Variants in FAR2 observed in about 807,000 individuals in gnomAD.
The protein encoded by FAR2 is epididymis secretory protein Li 81.
A neutral mutation model predicts 56.0 loss-of-function variants in FAR2; 19 were observed. That is an observed-to-expected ratio of 0.34 (90% CI 0.24 to 0.50). The LOEUF (loss-of-function observed/expected upper bound fraction) is 0.50, where lower values mean the gene tolerates loss of function less well. Ranked by LOEUF, FAR2 falls within the 20% of genes least tolerant of loss-of-function variation. The pLI, the probability that FAR2 is intolerant of heterozygous loss-of-function variation, is 0.98. For missense variants in FAR2, 508 were observed against 642.2 expected, an observed-to-expected ratio of 0.79 and a Z score of 2.26; for synonymous variants, 219 against 218.8, an observed-to-expected ratio of 1.00 and a Z score of -0.01.
intron 1 of FAR2, among the ~76,000 whole-genome samples, chr12:29,190,898 A>G (rs572233593): frequency 1.2e-3 from 184 of 152,322 alleles, no homozygotes; most frequent in African/African-American, 4.2e-3. Flanking sequence ...AGGCAACTGG[A>G]GATGATTCAA....
chr12:29,286,948 G>A (rs1330211407), intron 2 of FAR2, among the ~76,000 whole-genome samples: 1 of 152,050 alleles, frequency 6.6e-6, no homozygotes, highest in African/African-American at 2.4e-5. Context: ...CAGGTGGTTG[G>A]CATTTTAGAT....
intron 1 of FAR2, among the ~76,000 whole-genome samples, chr12:29,257,206 A>G (rs1948333469): frequency 1.3e-5 from 2 of 152,140 alleles, no homozygotes; most frequent in African/African-American, 2.4e-5. Context: ...AAACACACCA[A>G]TCAGCACCCT....
At chr12:29,245,170 C>T (rs1289585925) in intron 1 of FAR2, among the ~76,000 whole-genome samples, 5 of 152,050 alleles carry the variant, frequency 3.3e-5, no homozygotes, top group Admixed American at 6.6e-5. Context: ...TAGTAAGAGA[C>T]GGGGTTTCAC....
intron 1 of FAR2, among the ~76,000 whole-genome samples, chr12:29,168,788 G>A (rs1022329221): frequency 3.9e-5 from 6 of 152,338 alleles, no homozygotes; most frequent in Middle Eastern, 3.4e-3. Context: ...TTACTGTGAA[G>A]AGCAAAAGAA....
intron 1 of FAR2, among the ~76,000 whole-genome samples, chr12:29,150,714 C>T (rs1017377420): frequency 1.3e-5 from 2 of 152,146 alleles, no homozygotes; most frequent in Non-Finnish European, 2.9e-5. Flanking sequence ...CAGGCCGACG[C>T]GTGTGTCAAT....
chr12:29,171,257 G>T, intron 1 of FAR2: 1 of 152,920 alleles, frequency 6.5e-6, no homozygotes, highest in South Asian at 2.0e-4. Context: ...TCATCTGGTT[G>T]GGGGCTTCTG....
chr12:29,192,815 G>A (rs114583560), intron 1 of FAR2, among the ~76,000 whole-genome samples: 2,065 of 152,236 alleles, frequency 0.014, 41 homozygotes, highest in African/African-American at 0.048. Context: ...AACAGTTCAT[G>A]AAGCACAGGA....
intron 1 of FAR2, among the ~76,000 whole-genome samples, chr12:29,250,960 G>T (rs529839510): frequency 6.6e-6 from 1 of 152,154 alleles, no homozygotes; most frequent in Non-Finnish European, 1.5e-5. Flanking sequence ...GGTGGCAGGG[G>T]CCAAGTAGTG....
rs114585894 is a variant in FAR2, at chr12:29,313,987, T to G, written c.955+2037T>G. ...CTTTTCTAATACATGCATTTATGGC[T>G]TTATATTTCGCTCAAATGCCACTTT... is the stretch of plus-strand genomic sequence containing the variant. On this transcript the variant is annotated intron_variant, in intron 8 of 11. Coordinates refer to ENST00000536681, the MANE Select transcript of FAR2 (RefSeq NM_001271783.2). Among the ~76,000 whole-genome samples, 1,101 of 150,160 alleles carry G rather than the reference T, an allele frequency of 7.3e-3. 10 individuals carry two copies. The highest frequency in any genetic ancestry group is 0.026 in the African/African-American group (1,042 of 39,516).
rs950402594 is a variant in FAR2, at chr12:29,189,383, T to A, written c.-39+39976T>A. Among the ~76,000 whole-genome samples the A allele has an allele frequency of 2.6e-5, 4 of 152,228 alleles. No homozygotes were observed. In the East Asian group the frequency reaches 7.7e-4, roughly 29 times the overall value. ...GGTTGGCTCCTATATTCCTTTGATA[T>A]ACCCGTATCCTTTTTTTGAGCACTA... On this transcript the variant is annotated intron_variant, in intron 1 of 11. Coordinates refer to ENST00000536681, the MANE Select transcript of FAR2 (RefSeq NM_001271783.2).
intron 1 of FAR2, among the ~76,000 whole-genome samples, chr12:29,202,895 C>T (rs368111815): frequency 2.0e-5 from 3 of 152,158 alleles, no homozygotes; most frequent in Admixed American, 6.5e-5. Context: ...TACCCAGTCT[C>T]GGGTATCACT....
At chr12:29,191,666 C>A (rs1245731126) in intron 1 of FAR2, among the ~76,000 whole-genome samples, 6 of 152,152 alleles carry the variant, frequency 3.9e-5, no homozygotes, top group African/African-American at 1.2e-4. Context: ...TGTTAAGTGG[C>A]TAAATTATAA....
At chr12:29,204,877 C>T (rs1947461612) in intron 1 of FAR2, among the ~76,000 whole-genome samples, 1 of 152,152 alleles carries the variant, frequency 6.6e-6, no homozygotes, top group African/African-American at 2.4e-5. Flanking sequence ...GGTGCTAACC[C>T]ATTCATGAGA....
At chr12:29,266,375 T>G (rs1948516327) in intron 1 of FAR2, among the ~76,000 whole-genome samples, 1 of 152,108 alleles carries the variant, frequency 6.6e-6, no homozygotes, top group Non-Finnish European at 1.5e-5. Flanking sequence ...ATGGAGGACA[T>G]TATATTAAGT....
chr12:29,149,891 G>T (rs1456414096), intron 1 of FAR2, among the ~76,000 whole-genome samples: 4 of 152,136 alleles, frequency 2.6e-5, no homozygotes, highest in Non-Finnish European at 4.4e-5. Flanking sequence ...CCGGTGCCTG[G>T]GACCGCCAGG....
chr12:29,204,437 A>G (rs894639405), intron 1 of FAR2, among the ~76,000 whole-genome samples: 4 of 152,176 alleles, frequency 2.6e-5, no homozygotes, highest in African/African-American at 9.7e-5. Context: ...TTTACTCTAC[A>G]TAGGGTGTTT....
intron 2 of FAR2, among the ~76,000 whole-genome samples, chr12:29,287,226 T>C (rs1255464218): frequency 6.6e-6 from 1 of 152,188 alleles, no homozygotes; most frequent in Non-Finnish European, 1.5e-5. Context: ...TTTGAGCAAC[T>C]TCCTGGGCAA....
chr12:29,183,999 G>T (rs1415901359), intron 1 of FAR2, among the ~76,000 whole-genome samples: 2 of 152,092 alleles, frequency 1.3e-5, no homozygotes. Context: ...CTTGATAAGG[G>T]TTATGGCTGT....
intron 1 of FAR2, among the ~76,000 whole-genome samples, chr12:29,199,594 C>T (rs1385248992): frequency 3.5e-5 from 4 of 113,606 alleles, no homozygotes; most frequent in East Asian, 2.6e-4. Flanking sequence ...AGCGAGACCC[C>T]GTCTCAAAAA....
Sources: allele counts gnomAD v4.1 joint callset (sites outside exome capture counted in the v4.1 genomes callset), GRCh38; gene constraint gnomAD v4.1.1; transcripts MANE v1.5; gene names NCBI Gene and HGNC (gene_info 2026-07-23, HGNC 2026-07-21).